MYL10: variants seen among roughly 807,000 people sequenced by gnomAD.
MYL10 encodes myosin light chain 10.
MYL10 carries 18 observed loss-of-function variants against 21.9 expected under a neutral mutation model. The ratio of observed to expected loss-of-function variants is 0.82; its 90% CI spans 0.57 to 1.22. The LOEUF is 1.22. Among genes scored for constraint, MYL10 ranks in the 50% most tolerant of loss-of-function variants. The pLI, the probability that MYL10 is intolerant of heterozygous loss-of-function variation, is 0.00. For missense variants in MYL10, 225 were observed against 230.4 expected, an observed-to-expected ratio of 0.98 and a Z score of 0.15; for synonymous variants, 88 against 82.8, an observed-to-expected ratio of 1.06 and a Z score of -0.34.
intron 6 of MYL10, among the ~76,000 whole-genome samples, chr7:101,615,201 G>A (rs948405490): frequency 1.3e-5 from 2 of 152,196 alleles, no homozygotes; most frequent in Non-Finnish European, 2.9e-5. Context: ...CCTCTTGCCC[G>A]AGGCGGTGCT....
At chr7:101,627,974 A>G (rs1284884040) in intron 1 of MYL10, among the ~76,000 whole-genome samples, 2 of 152,152 alleles carry the variant, frequency 1.3e-5, no homozygotes, top group Non-Finnish European at 2.9e-5. Flanking sequence ...GCCATCTCAT[A>G]GGAATAGGGG....
Position 101,613,403 on chromosome 7 carries a change from G to T in MYL10, c.*72C>A. The T allele has an allele frequency of 7.6e-7, 1 of 1,313,354 alleles. No homozygotes were observed. The highest frequency in any genetic ancestry group is 1.1e-6 in the Non-Finnish European group (1 of 910,314). The allele number at this position is 1,313,354 out of a possible 1,614,324, so 81.4% of individuals were successfully genotyped here. A position where few individuals can be genotyped will look rare whatever the true frequency, so the allele number is the denominator to read the frequency against. ...GGAAGCCTTTTTCCTGCAGCCTCTG[G>T]CTGCAAGAGCTCCCTGTCACACCCC... On this transcript the variant is annotated 3_prime_UTR_variant, in exon 8 of 8. Coordinates refer to ENST00000223167, the MANE Select transcript of MYL10 (RefSeq NM_138403.5).
At chr7:101,626,011 C>T (rs1288917850) in intron 1 of MYL10, among the ~76,000 whole-genome samples, 4 of 151,492 alleles carry the variant, frequency 2.6e-5, no homozygotes, top group Non-Finnish European at 5.9e-5. Flanking sequence ...GCACAAGAGT[C>T]CTAAACCCTA....
chr7:101,624,195 A>T lies in MYL10; in HGVS notation c.148T>A (p.Ser50Thr). ...SSNVFSMFDQ[S>T]QIQEFKESLA... ...ACCTCTTTAAACTCCTGGATCTGGG[A>T]CTGATCAAACATGGAGAAGACGTTG... is the stretch of plus-strand genomic sequence containing the variant. The change falls in exon 2 of 8, where the codon TCC becomes ACC. Residue 50 changes from serine (S) to threonine (T), a missense_variant. By Grantham distance (58) the Ser-to-Thr change is moderately conservative (BLOSUM62 1). Coordinates refer to ENST00000223167, the MANE Select transcript of MYL10 (RefSeq NM_138403.5). 1 of 1,613,216 alleles carries T rather than the reference A, an allele frequency of 6.2e-7. No individual in the cohort carries two copies. Among genetic ancestry groups the T allele is most frequent in the Non-Finnish European group, 8.5e-7 (1 of 1,179,430 alleles).
At chr7:101,621,392 G>A (rs1047172671) in intron 5 of MYL10, among the ~76,000 whole-genome samples, 2 of 152,062 alleles carry the variant, frequency 1.3e-5, no homozygotes, top group East Asian at 1.9e-4. Flanking sequence ...AAAAAGACAA[G>A]GGGAGTAACT....
chr7:101,615,698 T>TTC (rs1423997224), intron 6 of MYL10, among the ~76,000 whole-genome samples: 3 of 97,668 alleles, frequency 3.1e-5, no homozygotes, highest in East Asian at 4.5e-3. Context: ...CCACTTCTTC[T>TTC]TTTTTTTTTT....
chr7:101,620,078 T>C (rs1296845923), intron 5 of MYL10, among the ~76,000 whole-genome samples: 2 of 151,632 alleles, frequency 1.3e-5, no homozygotes, highest in South Asian at 2.1e-4. Flanking sequence ...TCCCAGCAGT[T>C]TGGGAGGCGG....
intron 6 of MYL10, among the ~76,000 whole-genome samples, chr7:101,615,040 G>A (rs1796591911): frequency 6.6e-6 from 1 of 152,130 alleles, no homozygotes; most frequent in African/African-American, 2.4e-5. Context: ...ACTCCTGCCT[G>A]CAATTCTTGG....
chr7:101,625,591 G>C (rs997625019), intron 1 of MYL10, among the ~76,000 whole-genome samples: 2 of 151,794 alleles, frequency 1.3e-5, no homozygotes, highest in African/African-American at 2.4e-5. Flanking sequence ...CCCCGCCCAG[G>C]AGCCCGCGTC....
chr7:101,614,158 G>A (rs1291545508), intron 6 of MYL10, among the ~76,000 whole-genome samples: 1 of 152,170 alleles, frequency 6.6e-6, no homozygotes, highest in Non-Finnish European at 1.5e-5. Context: ...GTACAGGAAG[G>A]CCTGCCCAGG....
intron 3 of MYL10, among the ~76,000 whole-genome samples, chr7:101,623,522 C>T (rs1486509407): frequency 6.6e-6 from 1 of 151,656 alleles, no homozygotes; most frequent in Non-Finnish European, 1.5e-5. Flanking sequence ...TAATGAGACC[C>T]TGTCTCTACA....
At chr7:101,622,908 C>T in intron 4 of MYL10, 89 bp downstream of exon 4, 2 of 1,236,864 alleles carry the variant, frequency 1.6e-6, no homozygotes, top group Non-Finnish European at 2.3e-6. Flanking sequence ...GCCTCTCACG[C>T]TCACCGCGAG....
At chr7:101,616,153 C>T (rs1232099911) in intron 6 of MYL10, 67 bp downstream of exon 6, 6 of 1,397,866 alleles carry the variant, frequency 4.3e-6, no homozygotes, top group Admixed American at 1.8e-5. Context: ...GGCGACCATC[C>T]ACCCTGACCC....
intron 1 of MYL10, among the ~76,000 whole-genome samples, chr7:101,627,690 G>A (rs1419192888): frequency 2.6e-5 from 4 of 152,232 alleles, no homozygotes; most frequent in African/African-American, 7.2e-5. Context: ...TACCACGGAC[G>A]CAGGGACTGC....
chr7:101,617,835 C>A (rs1796626665), intron 5 of MYL10, among the ~76,000 whole-genome samples: 2 of 151,974 alleles, frequency 1.3e-5, no homozygotes, highest in Non-Finnish European at 2.9e-5. Flanking sequence ...GCCATCTGTG[C>A]CTCTTCCATC....
Position 101,622,995 on chromosome 7 carries a change from A to G in MYL10, c.349+2T>C. On this transcript the variant is annotated splice_donor_variant, in intron 4 of 7. Coordinates refer to ENST00000223167, the MANE Select transcript of MYL10 (RefSeq NM_138403.5). LOFTEE classifies it high-confidence loss of function. The stretch of plus-strand genomic sequence containing the variant: ...ATCTCCCCCGGCTGCTGGCTCACCC[A>G]CCCAGCGCGGCAAAGGTGTCCCTCA... 6.2e-7 allele frequency: 1 copy of G among 1,613,478 alleles called. No individual in the cohort carries two copies. The highest frequency in any genetic ancestry group is 8.5e-7 in the Non-Finnish European group (1 of 1,179,878).
intron 1 of MYL10, among the ~76,000 whole-genome samples, chr7:101,625,151 G>T (rs1381783609): frequency 2.6e-5 from 4 of 152,172 alleles, no homozygotes; most frequent in Non-Finnish European, 4.4e-5. Context: ...GCCAACCCAC[G>T]CAGCAGGCAA....
At chr7:101,628,132 A>C (rs1442507184) in intron 1 of MYL10, among the ~76,000 whole-genome samples, 1 of 152,232 alleles carries the variant, frequency 6.6e-6, no homozygotes, top group Non-Finnish European at 1.5e-5. Flanking sequence ...TGAAATGCTC[A>C]ATGAACAGAG....
At chr7:101,624,514 G>A (rs1477957552) in intron 1 of MYL10, among the ~76,000 whole-genome samples, 1 of 152,168 alleles carries the variant, frequency 6.6e-6, no homozygotes, top group African/African-American at 2.4e-5. Flanking sequence ...CCTGTCCCCC[G>A]GGCTCCGGAA....
Sources: allele counts gnomAD v4.1 joint callset (sites outside exome capture counted in the v4.1 genomes callset), GRCh38; gene constraint gnomAD v4.1.1; transcripts MANE v1.5; gene names NCBI Gene and HGNC (gene_info 2026-07-23, HGNC 2026-07-21).